The following PDE3A variants were observed in gnomAD, a reference collection of about 807,000 sequenced individuals.
PDE3A encodes cGMP-inhibited 3',5'-cyclic phosphodiesterase 3A.
Under a neutral mutation model 98.3 loss-of-function variants are expected in PDE3A, and 43 were observed. The observed-to-expected ratio is 0.44, with a 90% CI of 0.34 to 0.56. The LOEUF (loss-of-function observed/expected upper bound fraction) is 0.56. Among genes scored for constraint, PDE3A ranks in the 20% least tolerant of loss-of-function variants. The pLI is 0.01. For synonymous variants in PDE3A, 663 were observed against 567.9 expected (o/e 1.17, Z -2.38); for missense variants, 1,427 against 1,440.7 (o/e 0.99, Z 0.15).
intron 4 of PDE3A, among the ~76,000 whole-genome samples, chr12:20,619,761 A>G (rs1467388407): frequency 1.3e-5 from 2 of 152,118 alleles, no homozygotes; most frequent in African/African-American, 4.8e-5. Context: ...CACATTTCAA[A>G]TGTCCTCATA....
intron 2 of PDE3A, among the ~76,000 whole-genome samples, chr12:20,576,308 C>A (rs1162613492): frequency 2.6e-5 from 4 of 151,930 alleles, no homozygotes; most frequent in African/African-American, 7.3e-5. Context: ...TATTATCTTA[C>A]CTTTCCAAAG....
At chr12:20,374,984 C>T (rs2120511890) in intron 1 of PDE3A, among the ~76,000 whole-genome samples, 1 of 151,954 alleles carries the variant, frequency 6.6e-6, no homozygotes, top group South Asian at 2.1e-4. Context: ...GTCTTATGCT[C>T]CCGGAAGTGA....
rs1942221081 is a variant in PDE3A, at chr12:20,552,030, G to A, written c.961-4630G>A. 6.2e-7 allele frequency: 1 copy of A among 1,612,448 alleles called. No individual in the cohort carries two copies. Among genetic ancestry groups the A allele is most frequent in the East Asian group, 2.2e-5 (1 of 44,872 alleles). On this transcript the variant is annotated intron_variant, in intron 1 of 15. Transcript: ENST00000359062. This position sits in a 1 kb window ranked among gnomAD's most constrained non-coding sequence, Gnocchi z 5.1. Reference sequence around the variant, plus strand: ...CCCTAGTCCTGGCGGGGGGCTACGAGGATGACGTGGACCATGGGAATTTTT... The same window carrying A: ...CCCTAGTCCTGGCGGGGGGCTACGAAGATGACGTGGACCATGGGAATTTTT...
chr12:20,673,700 G>C (rs1299268193), intron 15 of PDE3A, among the ~76,000 whole-genome samples: 1 of 127,876 alleles, frequency 7.8e-6, no homozygotes, highest in Non-Finnish European at 1.6e-5. Context: ...GACTGTTGTG[G>C]GGTGGGGGGA....
At chr12:20,432,972 A>G (rs1944722004) in intron 1 of PDE3A, among the ~76,000 whole-genome samples, 2 of 152,156 alleles carry the variant, frequency 1.3e-5, no homozygotes, top group Non-Finnish European at 2.9e-5. Context: ...GGGTGACTCC[A>G]TCAAGGAGTT....
intron 1 of PDE3A, among the ~76,000 whole-genome samples, chr12:20,397,682 A>T (rs11045211): frequency 0.071 from 10,762 of 151,846 alleles, 1,183 homozygotes; most frequent in African/African-American, 0.23. Flanking sequence ...ATTTACTTTT[A>T]AAAAAAATAG....
intron 1 of PDE3A, among the ~76,000 whole-genome samples, chr12:20,392,659 A>G (rs1198474725): frequency 6.6e-6 from 1 of 152,090 alleles, no homozygotes; most frequent in Non-Finnish European, 1.5e-5. Flanking sequence ...GTATGTACTC[A>G]AAGGAAATCA....
At chr12:20,580,646 GTTTCTC>G (rs1308190304) in intron 2 of PDE3A, among the ~76,000 whole-genome samples, 3 of 152,096 alleles carry the variant, frequency 2.0e-5, no homozygotes, top group African/African-American at 7.2e-5. Context: ...ATTCTTTTCT[GTTTCTC>G]TTTCTATTGA....
At position 20,552,749 on chromosome 12, in the gene PDE3A, G is replaced by T; in HGVS notation, c.961-3911G>T. ...GCGTCACTCAAGGACCGGCCGGCGAGCGGCAGCCCGTTCCAGTTGTTCCTG... is the reference window on the plus strand; with the variant it reads ...GCGTCACTCAAGGACCGGCCGGCGATCGGCAGCCCGTTCCAGTTGTTCCTG... On this transcript the variant is annotated intron_variant, in intron 1 of 15. Coordinates refer to ENST00000359062, the MANE Select transcript of PDE3A (RefSeq NM_000921.5). This position sits in a 1 kb window ranked among gnomAD's most constrained non-coding sequence, Gnocchi z 5.1. The T allele has an allele frequency of 3.7e-6, 6 of 1,614,086 alleles. No homozygotes were observed. Among genetic ancestry groups the T allele is most frequent in the Non-Finnish European group, 5.1e-6 (6 of 1,179,906 alleles).
At chr12:20,525,162 G>A (rs1946493614) in intron 1 of PDE3A, among the ~76,000 whole-genome samples, 1 of 152,124 alleles carries the variant, frequency 6.6e-6, no homozygotes, top group Non-Finnish European at 1.5e-5. Flanking sequence ...CTACATTACT[G>A]CTCCGGAGCC....
intron 15 of PDE3A, among the ~76,000 whole-genome samples, chr12:20,668,328 G>A (rs1459371888): frequency 6.6e-5 from 10 of 152,076 alleles, no homozygotes; most frequent in East Asian, 3.9e-4. Flanking sequence ...CAGGAAGCTC[G>A]AACTGGGTGG....
At chr12:20,625,002 G>C (rs1244131431) in intron 5 of PDE3A, among the ~76,000 whole-genome samples, 2 of 152,196 alleles carry the variant, frequency 1.3e-5, no homozygotes, top group Admixed American at 6.6e-5. Context: ...AATAGGCAAT[G>C]AGGCGGAGGG....
chr12:20,552,980 A>C lies in PDE3A; in HGVS notation c.961-3680A>C, dbSNP rs1942257348. ...CAGCCTCTGCAGACCGTCCTCAACCAGCTCTTCCCCGGCTACGGCAATGGC... is the reference window on the plus strand; with the variant it reads ...CAGCCTCTGCAGACCGTCCTCAACCCGCTCTTCCCCGGCTACGGCAATGGC... On this transcript the variant is annotated intron_variant, in intron 1 of 15. Transcript: ENST00000359062. This position sits in a 1 kb window ranked among gnomAD's most constrained non-coding sequence, Gnocchi z 5.1. 6.4e-5 allele frequency: 101 copies of C among 1,577,964 alleles called. 1 individual carries two copies. The South Asian group carries it at 1.1e-3, about 18-fold the overall frequency.
chr12:20,658,487 C>T (rs553932955), intron 15 of PDE3A, among the ~76,000 whole-genome samples: 30 of 152,242 alleles, frequency 2.0e-4, no homozygotes, highest in African/African-American at 6.3e-4. Context: ...AAAATGGCAA[C>T]GAAGGCGTTA....
chr12:20,547,603 T>C (rs1942091024), intron 1 of PDE3A, among the ~76,000 whole-genome samples: 1 of 152,154 alleles, frequency 6.6e-6, no homozygotes, highest in Non-Finnish European at 1.5e-5. Context: ...CTGTGGTGAC[T>C]ATTACTTTCC....
chr12:20,555,087 G>A lies in PDE3A; in HGVS notation c.961-1573G>A, dbSNP rs555985452. ...CCCAGGCTGGAGTGCAGTGGCGTGCGATCTTGGGTCACTGCAACCTCTGCC... is the reference window on the plus strand; with the variant it reads ...CCCAGGCTGGAGTGCAGTGGCGTGCAATCTTGGGTCACTGCAACCTCTGCC... On this transcript the variant is annotated intron_variant, in intron 1 of 15. Coordinates refer to ENST00000359062, the MANE Select transcript of PDE3A (RefSeq NM_000921.5). 3.8e-3 allele frequency among the ~76,000 whole-genome samples: 580 copies of A among 151,912 alleles called. 2 individuals carry two copies. Among genetic ancestry groups the A allele is most frequent in the Non-Finnish European group, 6.3e-3 (426 of 67,962 alleles).
intron 1 of PDE3A, among the ~76,000 whole-genome samples, chr12:20,482,063 G>A (rs1480420603): frequency 6.6e-6 from 1 of 151,756 alleles, no homozygotes; most frequent in East Asian, 1.9e-4. Flanking sequence ...CACGCTCAGC[G>A]AGAAATAGAT....
intron 1 of PDE3A, 24 bp from the exon 2 acceptor site, chr12:20,556,636 T>G: frequency 6.8e-7 from 1 of 1,481,466 alleles, no homozygotes. Context: ...ATCATTTAAC[T>G]TATTATAATT....
At chr12:20,508,210 C>A (rs1591999953) in intron 1 of PDE3A, among the ~76,000 whole-genome samples, 1 of 152,074 alleles carries the variant, frequency 6.6e-6, no homozygotes, top group East Asian at 1.9e-4. Context: ...TTCCTCTCTG[C>A]CTGTGTCTTC....
Sources: gnomAD v4.1 joint callset for allele counts (sites outside exome capture counted in the v4.1 genomes callset) on GRCh38, gnomAD v4.1.1 for gene constraint, Gnocchi (gnomAD v3.1) non-coding constraint, MANE v1.5 for transcripts, NCBI Gene and HGNC (gene_info 2026-07-23, HGNC 2026-07-21) for gene names.